Variants in PDLIM5 observed in about 807,000 individuals in gnomAD.
PDLIM5 encodes PDZ and LIM domain 5.
A neutral mutation model predicts 64.2 loss-of-function variants in PDLIM5; 34 were observed. The observed-to-expected ratio is 0.53, with a 90% CI of 0.40 to 0.71. The LOEUF is 0.71. Among genes scored for constraint, PDLIM5 ranks in the 30% least tolerant of loss-of-function variants. The pLI is 0.00. For synonymous variants in PDLIM5, 253 were observed against 269.1 expected (o/e 0.94, Z 0.59); for missense variants, 683 against 733.6 (o/e 0.93, Z 0.80).
At chr4:94,513,355 A>G (rs1729067996) in intron 2 of PDLIM5, among the ~76,000 whole-genome samples, 2 of 152,220 alleles carry the variant, frequency 1.3e-5, no homozygotes, top group African/African-American at 2.4e-5. Context: ...GATTCTTTCA[A>G]TCCATGAACA....
At chr4:94,523,091 A>G (rs962539397) in intron 2 of PDLIM5, among the ~76,000 whole-genome samples, 1 of 152,218 alleles carries the variant, frequency 6.6e-6, no homozygotes, top group African/African-American at 2.4e-5. Flanking sequence ...CTAAGGATTA[A>G]GGACTGTGAC....
chr4:94,504,897 T>C (rs1045886344), intron 2 of PDLIM5, among the ~76,000 whole-genome samples: 5 of 152,228 alleles, frequency 3.3e-5, no homozygotes, highest in African/African-American at 1.2e-4. Flanking sequence ...CCACTGTTCT[T>C]ACTTAGAGGA....
intron 5 of PDLIM5, chr4:94,579,427 A>G (rs1735556227): frequency 9.7e-6 from 5 of 516,640 alleles, no homozygotes; most frequent in Non-Finnish European, 1.7e-5. Flanking sequence ...ATTTCTTCTA[A>G]CAGCTCCTGT....
At chr4:94,563,165 T>A (rs1733989511) in intron 3 of PDLIM5, among the ~76,000 whole-genome samples, 1 of 152,204 alleles carries the variant, frequency 6.6e-6, no homozygotes, top group Admixed American at 6.5e-5. Flanking sequence ...TTTAGCTGGC[T>A]TTTAAGTTCC....
chr4:94,588,750 A>G (rs1212426429), intron 7 of PDLIM5, among the ~76,000 whole-genome samples: 5 of 152,192 alleles, frequency 3.3e-5, no homozygotes, highest in Non-Finnish European at 7.4e-5. Flanking sequence ...CCTTGCCTAC[A>G]TTCAAGGGTC....
intron 8 of PDLIM5, among the ~76,000 whole-genome samples, chr4:94,630,903 C>A (rs1484531013): frequency 6.6e-6 from 1 of 151,966 alleles, no homozygotes; most frequent in Non-Finnish European, 1.5e-5. Context: ...CCTGTTTGTC[C>A]TTAGCAAAAG....
intron 2 of PDLIM5, among the ~76,000 whole-genome samples, chr4:94,505,857 T>C (rs1239250770): frequency 2.0e-5 from 3 of 152,154 alleles, no homozygotes; most frequent in Non-Finnish European, 2.9e-5. Context: ...ATCTAGTCCT[T>C]GTGGGTTTTT....
chr4:94,486,267 T>C (rs1726328790), intron 2 of PDLIM5, among the ~76,000 whole-genome samples: 1 of 152,144 alleles, frequency 6.6e-6, no homozygotes, highest in South Asian at 2.1e-4. Flanking sequence ...TAGCTTTTGG[T>C]AAGTTAGGCA....
chr4:94,491,592 A>G (rs1040135996), intron 2 of PDLIM5, among the ~76,000 whole-genome samples: 1 of 152,030 alleles, frequency 6.6e-6, no homozygotes, highest in Non-Finnish European at 1.5e-5. Flanking sequence ...GAGAAGCATC[A>G]GCTGTGTTGA....
At chr4:94,638,620 T>C (rs549136384) in intron 8 of PDLIM5, among the ~76,000 whole-genome samples, 6 of 152,254 alleles carry the variant, frequency 3.9e-5, no homozygotes. Context: ...ATATGTATAT[T>C]TATGTAAATA....
rs151252799 is a variant in PDLIM5, at chr4:94,579,455, C to G, written c.710+3421C>G. ...GCTCCTGTGTGATACTTTGAAGAAC[C>G]TGGCCTTGGAAGATTAAAAAAAAAT... On this transcript the variant is annotated intron_variant, in intron 5 of 12. Transcript: ENST00000317968. 442 of 747,788 alleles carry G rather than the reference C, an allele frequency of 5.9e-4. No individual in the cohort carries two copies. In the East Asian group the frequency reaches 0.012, roughly 20 times the overall value. 46.3% of individuals were successfully genotyped at this position (747,788 alleles called of 1,614,324 possible). A position where few individuals can be genotyped will look rare whatever the true frequency, so the allele number is the denominator to read the frequency against.
At chr4:94,606,271 G>T (rs996768546) in intron 7 of PDLIM5, among the ~76,000 whole-genome samples, 1 of 152,110 alleles carries the variant, frequency 6.6e-6, no homozygotes, top group Non-Finnish European at 1.5e-5. Flanking sequence ...GACACAAATT[G>T]TATAATAATA....
At chr4:94,642,260 A>C (rs748592204) in intron 9 of PDLIM5, among the ~76,000 whole-genome samples, 1 of 152,196 alleles carries the variant, frequency 6.6e-6, no homozygotes, top group Non-Finnish European at 1.5e-5. Flanking sequence ...TGAGTTAACA[A>C]AATGTCATAC....
At chr4:94,480,513 T>C (rs1018455373) in intron 2 of PDLIM5, among the ~76,000 whole-genome samples, 1 of 152,026 alleles carries the variant, frequency 6.6e-6, no homozygotes, top group Admixed American at 6.5e-5. Flanking sequence ...TGGGAAGAAG[T>C]GGTGTTCCCA....
In PDLIM5 at chr4:94,572,054, G is replaced by C. The variant is rs56307002; in HGVS notation, c.249-1297G>C. 7.5e-3 allele frequency among the ~76,000 whole-genome samples: 1,140 copies of C among 152,216 alleles called. 20 individuals carry two copies. Among genetic ancestry groups the C allele is most frequent in the African/African-American group, 0.026 (1,081 of 41,528 alleles). ...AAATTCAGTTGCTGCTAAAAATGTT[G>C]ATCAGAGTTCATTATTAGATTATAC... is the stretch of plus-strand genomic sequence containing the variant. On this transcript the variant is annotated intron_variant, in intron 3 of 12. Transcript: ENST00000317968.
At chr4:94,538,159 C>T (rs1347543666) in intron 3 of PDLIM5, among the ~76,000 whole-genome samples, 1 of 152,118 alleles carries the variant, frequency 6.6e-6, no homozygotes, top group Non-Finnish European at 1.5e-5. Flanking sequence ...ATTCCAGTAT[C>T]AGTATTACCT....
At position 94,618,130 on chromosome 4, in the gene PDLIM5, C is replaced by T. The variant is rs775759006; in HGVS notation, c.1047C>T (p.Phe349=). Residue 349 remains phenylalanine, a synonymous_variant, in exon 8 of 13, where the codon TTC becomes TTT. Transcript: ENST00000317968. ...CCAGCCTCACAGCTGCAGCTGCCTT[C>T]AAGCCTGTAGGATCCACTGGCGTCA... is the stretch of plus-strand genomic sequence containing the variant. ...GVTSLTAAAA[F]KPVGSTGVIK... 1.2e-6 allele frequency: 2 copies of T among 1,612,392 alleles called. No homozygotes were observed. Among genetic ancestry groups the T allele is most frequent in the Non-Finnish European group, 1.7e-6 (2 of 1,179,194 alleles).
intron 3 of PDLIM5, among the ~76,000 whole-genome samples, chr4:94,567,046 T>C (rs1443929256): frequency 6.6e-6 from 1 of 152,240 alleles, no homozygotes; most frequent in Non-Finnish European, 1.5e-5. Flanking sequence ...CAGGCTGGAG[T>C]GCAGTGGCAC....
chr4:94,504,584 C>G (rs1728227128), intron 2 of PDLIM5, among the ~76,000 whole-genome samples: 1 of 152,064 alleles, frequency 6.6e-6, no homozygotes, highest in South Asian at 2.1e-4. Flanking sequence ...CGTGCCTGGC[C>G]CGTTACGCTA....
Sources: allele counts gnomAD v4.1 joint callset (sites outside exome capture counted in the v4.1 genomes callset), GRCh38; gene constraint gnomAD v4.1.1; transcripts MANE v1.5; gene names NCBI Gene and HGNC (gene_info 2026-07-23, HGNC 2026-07-21).